Variants in COL15A1 observed in about 807,000 individuals in gnomAD.
The protein encoded by COL15A1 is collagen type XV alpha 1 chain, also known as collagen alpha-1(XV) chain.
Under a neutral mutation model 165.9 loss-of-function variants are expected in COL15A1, and 111 were observed. The ratio of observed to expected loss-of-function variants is 0.67; its 90% CI spans 0.57 to 0.78. COL15A1 has a LOEUF of 0.78. COL15A1 is among the 30% of genes least tolerant of loss of function. COL15A1 has a pLI of 0.00. For missense variants in COL15A1, 1,745 were observed against 1,789.7 expected (o/e 0.98, Z 0.45); for synonymous variants, 659 against 674.8 (o/e 0.98, Z 0.36).
In COL15A1 at chr9:99,015,429, G is replaced by A. The variant is rs1838912909; in HGVS notation, c.1366G>A (p.Glu456Lys). 2 of 1,608,832 alleles carry A rather than the reference G, an allele frequency of 1.2e-6. No homozygotes were observed. Among genetic ancestry groups the A allele is most frequent in the Non-Finnish European group, 1.7e-6 (2 of 1,176,296 alleles). ...GEEATVGPSS[E>K]DSLTTAAAAT... ...AATTTCATTTCAGGGTCCAAGCAGT[G>A]AAGACAGTTTAACAACAGCTGCAGC... The change falls in exon 10 of 42, where the codon GAA becomes AAA. Residue 456 changes from glutamate (E) to lysine (K), a missense_variant. Coordinates refer to ENST00000375001, the MANE Select transcript of COL15A1 (RefSeq NM_001855.5).
rs35529307 is a variant in COL15A1 at position 99,016,064 on chromosome 9, C to T, written c.1592C>T (p.Pro531Leu). 10 of 1,613,922 alleles carry T rather than the reference C, an allele frequency of 6.2e-6. No individual in the cohort carries two copies. Among genetic ancestry groups the T allele is most frequent in the Admixed American group, 5.0e-5 (3 of 60,010 alleles). Residue 531 changes from proline to leucine, a missense_variant, in exon 11 of 42, where the codon CCT (proline) becomes CTT (leucine). Transcript: ENST00000375001. ...GGTGAAGAGTCCGGCAGCCCTCCCCCTGATGGGCCACCGCTGCCCCTGCCC... is the reference window on the plus strand; with the variant it reads ...GGTGAAGAGTCCGGCAGCCCTCCCCTTGATGGGCCACCGCTGCCCCTGCCC... ...AGGEESGSPP[P>L]DGPPLPLPTV...
chr9:99,018,233 A>G (rs1408871569), intron 11 of COL15A1, among the ~76,000 whole-genome samples: 2 of 152,182 alleles, frequency 1.3e-5, no homozygotes, highest in Admixed American at 6.5e-5. Context: ...AGGTCTACAC[A>G]TTGCATTTGG....
intron 2 of COL15A1, among the ~76,000 whole-genome samples, chr9:98,976,008 A>T (rs1038230797): frequency 6.6e-6 from 1 of 152,182 alleles, no homozygotes. Context: ...CTCGAGTAGA[A>T]TTTTGCTTTT....
chr9:98,974,069 T>C (rs1332609161), intron 2 of COL15A1, among the ~76,000 whole-genome samples: 1 of 152,220 alleles, frequency 6.6e-6, no homozygotes, highest in African/African-American at 2.4e-5. Flanking sequence ...GATGTAGAAG[T>C]TGAGGCCGAC....
chr9:99,044,683 G>A (rs764143649), intron 25 of COL15A1, 47 bp downstream of exon 25: 4 of 1,612,318 alleles, frequency 2.5e-6, no homozygotes, highest in Admixed American at 1.7e-5. Context: ...CCCCAGCTTT[G>A]CATCTTTGTT....
At chr9:98,988,404 C>T (rs995314903) in intron 4 of COL15A1, among the ~76,000 whole-genome samples, 4 of 152,172 alleles carry the variant, frequency 2.6e-5, no homozygotes, top group African/African-American at 9.7e-5. Flanking sequence ...TACAAAATCA[C>T]AGCACTCGGG....
At chr9:98,987,919 A>G (rs943495387) in intron 4 of COL15A1, among the ~76,000 whole-genome samples, 25 of 152,328 alleles carry the variant, frequency 1.6e-4, no homozygotes, top group African/African-American at 5.8e-4. Context: ...ACCCAAATAC[A>G]GTGGCAGAGC....
At chr9:98,985,401 T>C (rs73501999) in intron 2 of COL15A1, among the ~76,000 whole-genome samples, 164 bp from the exon 3 acceptor site, 6,414 of 152,304 alleles carry the variant, frequency 0.042, 405 homozygotes, top group African/African-American at 0.14. Flanking sequence ...ATGCATTTCT[T>C]TTTGTGGGTC....
At chr9:98,973,300 T>C (rs1838091350) in intron 2 of COL15A1, among the ~76,000 whole-genome samples, 1 of 152,092 alleles carries the variant, frequency 6.6e-6, no homozygotes, top group Admixed American at 6.5e-5. Flanking sequence ...GTAACTTCAT[T>C]GAACAGGAAA....
At chr9:99,019,576 G>A (rs1041631) in intron 11 of COL15A1, among the ~76,000 whole-genome samples, 29,883 of 150,610 alleles carry the variant, frequency 0.2, 3,392 homozygotes, top group East Asian at 0.43. Context: ...ACAGAGCCAG[G>A]CATGCTATAC....
rs566166169 is a variant in COL15A1, at chr9:99,024,193, A to G, written c.1855-681A>G. Among the ~76,000 whole-genome samples the G allele has an allele frequency of 3.9e-5, 6 of 152,308 alleles. No homozygotes were observed. The South Asian group carries it at 1.2e-3, about 32-fold the overall frequency. On this transcript the variant is annotated intron_variant, in intron 14 of 41. Transcript: ENST00000375001. ...ATGAATCTCCCAGCCTGGTGGGATC[A>G]GCCAACCCAGCAATGGGCTAAAAAC...
At chr9:99,059,980 A>C in intron 36 of COL15A1, 27 bp downstream of exon 36, 1 of 1,610,048 alleles carries the variant, frequency 6.2e-7, no homozygotes, top group East Asian at 2.2e-5. Flanking sequence ...GTGTGTAGTC[A>C]TCATTCCATT....
At chr9:99,051,072 G>A (rs1054843577) in intron 30 of COL15A1, among the ~76,000 whole-genome samples, 2 of 152,098 alleles carry the variant, frequency 1.3e-5, no homozygotes, top group Admixed American at 6.5e-5. Context: ...GACCTTCCTG[G>A]GCAGTCGCTG....
rs140485879 is a variant in COL15A1, at chr9:99,044,158, T to C, written c.2575-410T>C. Among the ~76,000 whole-genome samples the C allele has an allele frequency of 4.8e-3, 732 of 152,166 alleles. 5 individuals carry two copies. Among genetic ancestry groups the C allele is most frequent in the African/African-American group, 0.016 (668 of 41,524 alleles). On this transcript the variant is annotated intron_variant, in intron 24 of 41. Coordinates refer to ENST00000375001, the MANE Select transcript of COL15A1 (RefSeq NM_001855.5). Reference sequence around the variant, plus strand: ...CTAGGAAAGCAAGCTGTCAAATACATTGGGAGCCAGAGCTTCCTTGAGGGC... The same window carrying C: ...CTAGGAAAGCAAGCTGTCAAATACACTGGGAGCCAGAGCTTCCTTGAGGGC...
At chr9:98,972,192 G>A (rs1173794735) in intron 2 of COL15A1, among the ~76,000 whole-genome samples, 2 of 152,134 alleles carry the variant, frequency 1.3e-5, no homozygotes, top group Non-Finnish European at 2.9e-5. Context: ...TCTGTGGAAA[G>A]GCCATGAGTG....
intron 5 of COL15A1, among the ~76,000 whole-genome samples, chr9:98,993,483 GATC>G (rs1838485525): frequency 6.6e-6 from 1 of 152,152 alleles, no homozygotes; most frequent in African/African-American, 2.4e-5. Context: ...GTCTGTTCCT[GATC>G]ATCAGAATGC....
intron 13 of COL15A1, among the ~76,000 whole-genome samples, chr9:99,022,615 T>C (rs944574753): frequency 6.6e-6 from 1 of 152,172 alleles, no homozygotes; most frequent in Non-Finnish European, 1.5e-5. Flanking sequence ...TCCGCCTCCA[T>C]GTCACCACTT....
rs1244104659 is a variant in COL15A1, at chr9:99,070,563, A to G, written c.*677A>G. The stretch of plus-strand genomic sequence containing the variant: ...ACTCCAAATAATCTGAAACTAGAAA[A>G]GAAATAGCACATAATTACTACCTTC... On this transcript the variant is annotated 3_prime_UTR_variant, in exon 42 of 42. Transcript: ENST00000375001. 7.7e-6 allele frequency: 3 copies of G among 391,334 alleles called. No individual in the cohort carries two copies. Among genetic ancestry groups the G allele is most frequent in the South Asian group, 5.5e-5 (3 of 54,842 alleles). The allele number at this position is 391,334 out of a possible 1,614,324, so 24.2% of individuals were successfully genotyped here.
chr9:99,039,350 A>G (rs1265097191), intron 22 of COL15A1, among the ~76,000 whole-genome samples: 1 of 152,138 alleles, frequency 6.6e-6, no homozygotes, highest in Non-Finnish European at 1.5e-5. Flanking sequence ...CTCTACTAAA[A>G]ATACAAAAAT....
Sources: gnomAD v4.1 joint callset for allele counts (sites outside exome capture counted in the v4.1 genomes callset) on GRCh38, gnomAD v4.1.1 for gene constraint, MANE v1.5 for transcripts, NCBI Gene and HGNC (gene_info 2026-07-23, HGNC 2026-07-21) for gene names.